Variants in TMEM220 observed in about 807,000 individuals in gnomAD.
TMEM220 encodes the protein transmembrane protein 220.
A neutral mutation model predicts 21.7 loss-of-function variants in TMEM220; 21 were observed. The ratio of observed to expected loss-of-function variants is 0.97; its 90% CI spans 0.69 to 1.39. The LOEUF (loss-of-function observed/expected upper bound fraction) is 1.39. Among genes scored for constraint, TMEM220 ranks in the 40% most tolerant of loss-of-function variants. The pLI, the probability that TMEM220 is intolerant of heterozygous loss-of-function variation, is 0.00. For missense variants in TMEM220, 191 were observed against 201.9 expected, an observed-to-expected ratio of 0.95 and a Z score of 0.33; for synonymous variants, 80 against 73.6, an observed-to-expected ratio of 1.09 and a Z score of -0.45.
chr17:10,730,008 G>C lies in TMEM220; in HGVS notation c.-157C>G. ...ACTGCCGTGGCCGTCGCTCCGCCCG[G>C]GGGCGGGGAGCGAAGGGCGTGGGTG... On this transcript the variant is annotated 5_prime_UTR_variant, in exon 1 of 6. Transcript: ENST00000341871. The C allele has an allele frequency of 8.2e-7, 1 of 1,221,952 alleles. No individual in the cohort carries two copies. Among genetic ancestry groups the C allele is most frequent in the South Asian group, 4.2e-5 (1 of 23,832 alleles). 75.7% of individuals were successfully genotyped at this position (1,221,952 alleles called of 1,614,324 possible).
Position 10,714,950 on chromosome 17 carries a change from C to G in TMEM220, c.*503G>C, listed in dbSNP as rs1409362045. On this transcript the variant is annotated 3_prime_UTR_variant, in exon 6 of 6. Coordinates refer to ENST00000341871, the MANE Select transcript of TMEM220 (RefSeq NM_001004313.3). Reference sequence around the variant, plus strand: ...AAAAAAAAGATCGGGGTATAGCCCTCTCTTGAATGTCTATTTCAGTATATT... The same window carrying G: ...AAAAAAAAGATCGGGGTATAGCCCTGTCTTGAATGTCTATTTCAGTATATT... 1 of 152,866 alleles carries G rather than the reference C, an allele frequency of 6.5e-6. No individual in the cohort carries two copies. Among genetic ancestry groups the G allele is most frequent in the Admixed American group, 6.6e-5 (1 of 15,250 alleles). 9.5% of individuals were successfully genotyped at this position (152,866 alleles called of 1,614,324 possible).
In TMEM220 at chr17:10,729,051, G is replaced by C; in HGVS notation, c.82C>G (p.Pro28Ala). The change falls in exon 2 of 6, where the codon CCA (proline) becomes GCA (alanine). Residue 28 changes from proline to alanine, a missense_variant. Transcript: ENST00000341871. ...CTCACCACCCACACCTCTGCATCTG[G>C]GTCATTTACCTGGAACGCCAGAATA... is the stretch of plus-strand genomic sequence containing the variant. Reference protein sequence around the residue: ...ALAALVQVNDPDAEVWVVVYT... With the variant: ...ALAALVQVNDADAEVWVVVYT... 1 of 1,614,108 alleles carries C rather than the reference G, an allele frequency of 6.2e-7. No homozygotes were observed. The highest frequency in any genetic ancestry group is 8.5e-7 in the Non-Finnish European group (1 of 1,180,022).
chr17:10,718,903 C>G (rs1330446692), intron 5 of TMEM220, among the ~76,000 whole-genome samples: 1 of 152,128 alleles, frequency 6.6e-6, no homozygotes, highest in Admixed American at 6.5e-5. Flanking sequence ...GAATGTGTAT[C>G]CTGCCATTCT....
intron 2 of TMEM220, among the ~76,000 whole-genome samples, chr17:10,728,449 A>G (rs1378140498): frequency 6.6e-6 from 1 of 151,572 alleles, no homozygotes; most frequent in Admixed American, 6.6e-5. Flanking sequence ...GCTGGGGACT[A>G]CAGGCGCATG....
Position 10,721,610 on chromosome 17 carries a change from AAAAAAAAAAGAAAAAAAG to A in TMEM220, c.347+1642_347+1659del, listed in dbSNP as rs1272683717. 4.4e-4 allele frequency among the ~76,000 whole-genome samples: 51 copies of A among 114,982 alleles called. 1 individual carries two copies. Among genetic ancestry groups the A allele is most frequent in the Admixed American group, 9.5e-4 (11 of 11,606 alleles). 75.4% of individuals were successfully genotyped at this position (114,982 alleles called of 152,430 possible). A position where few individuals can be genotyped will look rare whatever the true frequency, so the allele number is the denominator to read the frequency against. On this transcript the variant is annotated intron_variant, in intron 5 of 5. Transcript: ENST00000341871. ...ACAGAGCAAGACTCTGTCTCAAAAA[AAAAAAAAAAGAAAAAAAG>A]AAAAAAAAGAAAAAAAAAATAGTTT...
Position 10,728,948 on chromosome 17 carries a change from G to A in TMEM220, c.102+83C>T, listed in dbSNP as rs1597536111. On this transcript the variant is annotated intron_variant, in intron 2 of 5. Coordinates refer to ENST00000341871, the MANE Select transcript of TMEM220 (RefSeq NM_001004313.3). ...TCTCAGAAAATTAAGCAGGGAGGAG[G>A]GGTAAAGACATAAAACCGTGTGTTT... 19 of 1,423,602 alleles carry A rather than the reference G, an allele frequency of 1.3e-5. No homozygotes were observed. In the East Asian group the frequency reaches 1.6e-4, roughly 12 times the overall value. 88.2% of individuals were successfully genotyped at this position (1,423,602 alleles called of 1,614,324 possible). A position where few individuals can be genotyped will look rare whatever the true frequency, so the allele number is the denominator to read the frequency against.
At chr17:10,723,595 C>A (rs74909452) in intron 4 of TMEM220, among the ~76,000 whole-genome samples, 489 of 152,196 alleles carry the variant, frequency 3.2e-3, no homozygotes, top group African/African-American at 0.011. Flanking sequence ...ATAAGTGGAT[C>A]CCCCCAAAAT....
chr17:10,722,054 A>G (rs449437), intron 5 of TMEM220, among the ~76,000 whole-genome samples: 77,036 of 149,788 alleles, frequency 0.51, 20,577 homozygotes, highest in African/African-American at 0.66. Flanking sequence ...GTGCAACAGC[A>G]CTACCTCAGC....
downstream of TMEM220, among the ~76,000 whole-genome samples, chr17:10,712,263 G>T (rs150695578): frequency 2.1e-3 from 318 of 152,196 alleles, no homozygotes; most frequent in African/African-American, 7.4e-3. Context: ...CTTTACTGTC[G>T]TATCATATTC....
At chr17:10,719,023 C>G (rs1450179970) in intron 5 of TMEM220, among the ~76,000 whole-genome samples, 1 of 152,104 alleles carries the variant, frequency 6.6e-6, no homozygotes, top group Non-Finnish European at 1.5e-5. Flanking sequence ...GTGGCTTTTT[C>G]CATTTTTCTT....
At chr17:10,729,375 G>T (rs424603) in intron 1 of TMEM220, among the ~76,000 whole-genome samples, 77,632 of 151,842 alleles carry the variant, frequency 0.51, 20,651 homozygotes, top group African/African-American at 0.66. Context: ...TGAGGGAAAT[G>T]ATTATGAAGG....
intron 4 of TMEM220, 114 bp downstream of exon 4, chr17:10,724,889 TCCTCCACA>T: frequency 7.4e-7 from 1 of 1,352,028 alleles, no homozygotes; most frequent in Non-Finnish European, 1.0e-6. Context: ...ATACCTTGCC[TCCTCCACA>T]GGGTACACTG....
chr17:10,723,769 T>C (rs2075019390), intron 4 of TMEM220, among the ~76,000 whole-genome samples: 1 of 112,526 alleles, frequency 8.9e-6, no homozygotes, highest in Non-Finnish European at 1.8e-5. Context: ...ATGATCTGTG[T>C]ATATACTACA....
At position 10,723,214 on chromosome 17, in the gene TMEM220, C is replaced by T. The variant is rs2075012431; in HGVS notation, c.347+56G>A. 8.1e-6 allele frequency: 12 copies of T among 1,476,676 alleles called. No individual in the cohort carries two copies. In the Middle Eastern group the frequency reaches 8.6e-4, roughly 106 times the overall value. The allele number at this position is 1,476,676 out of a possible 1,614,324, so 91.5% of individuals were successfully genotyped here. A position where few individuals can be genotyped will look rare whatever the true frequency, so the allele number is the denominator to read the frequency against. ...CAGGATGGTCTTGATCTCCTGACCT[C>T]GTGATCTGCCCGCCTCGGCCTCCCA... On this transcript the variant is annotated intron_variant, in intron 5 of 5. Transcript: ENST00000341871.
intron 5 of TMEM220, among the ~76,000 whole-genome samples, chr17:10,717,923 C>T (rs748783621): frequency 4.6e-5 from 7 of 151,880 alleles, no homozygotes; most frequent in Non-Finnish European, 8.8e-5. Context: ...AGGGTTCAAG[C>T]GATTCTCCTG....
chr17:10,723,190 A>G (rs1195352741), intron 5 of TMEM220, 80 bp downstream of exon 5: 1 of 1,207,700 alleles, frequency 8.3e-7, no homozygotes, highest in Non-Finnish European at 1.2e-6. Flanking sequence ...CATATTGGCC[A>G]GGATGGTCTT....
intron 2 of TMEM220, among the ~76,000 whole-genome samples, chr17:10,727,833 G>A (rs2075064935): frequency 1.3e-5 from 2 of 152,108 alleles, no homozygotes; most frequent in South Asian, 4.1e-4. Flanking sequence ...TATATTGAGA[G>A]AAACTGGGCA....
rs1295692961 is a variant in TMEM220 at position 10,729,768 on chromosome 17, CGGCCGCCT to C, written c.72+4_72+11del. ...AGCCGGGCGGGTCCCCCTCCCACCG[CGGCCGCCT>C]GACCTGCACCAAGGCCGCCAGCGCG... On this transcript the variant is annotated splice_donor_5th_base_variant and intron_variant, in intron 1 of 5. Coordinates refer to ENST00000341871, the MANE Select transcript of TMEM220 (RefSeq NM_001004313.3). 6.6e-6 allele frequency: 9 copies of C among 1,362,302 alleles called. No individual in the cohort carries two copies. In the South Asian group the frequency reaches 1.5e-4, roughly 23 times the overall value. 84.4% of individuals were successfully genotyped at this position (1,362,302 alleles called of 1,614,324 possible).
rs570689759 is a variant in TMEM220, at chr17:10,725,005, G to A, written c.287+6C>T. ...ATCCCTCCACAGGGTAACCGTCACC[G>A]CTCACCTGCCTTCTTCCTCATGTAA... On this transcript the variant is annotated splice_donor_region_variant and intron_variant, in intron 4 of 5. Transcript: ENST00000341871. The A allele has an allele frequency of 1.7e-5, 28 of 1,613,958 alleles. No individual in the cohort carries two copies. The highest frequency in any genetic ancestry group is 3.3e-5 in the South Asian group (3 of 91,076).
Sources: allele counts gnomAD v4.1 joint callset (sites outside exome capture counted in the v4.1 genomes callset), GRCh38; gene constraint gnomAD v4.1.1; transcripts MANE v1.5; gene names NCBI Gene and HGNC (gene_info 2026-07-23, HGNC 2026-07-21).